GRM8: variants seen among roughly 807,000 people sequenced by gnomAD.
GRM8 encodes the protein glutamate metabotropic receptor 8.
Under a neutral mutation model 87.2 loss-of-function variants are expected in GRM8, and 47 were observed. That is an observed-to-expected ratio of 0.54 (90% CI 0.43 to 0.69). The LOEUF (loss-of-function observed/expected upper bound fraction) is 0.69, where lower values mean the gene tolerates loss of function less well. Ranked by LOEUF, GRM8 falls within the 30% of genes least tolerant of loss-of-function variation. GRM8 has a pLI of 0.00. For synonymous variants in GRM8, 396 were observed against 404.5 expected (o/e 0.98, Z 0.25); for missense variants, 1,019 against 1,139.2 (o/e 0.89, Z 1.52).
intron 6 of GRM8, among the ~76,000 whole-genome samples, chr7:126,800,395 C>G (rs1822529618): frequency 6.6e-6 from 1 of 152,094 alleles, no homozygotes; most frequent in African/African-American, 2.4e-5. Context: ...AGTAGACTTT[C>G]CCCCCATTTT....
intron 7 of GRM8, among the ~76,000 whole-genome samples, chr7:126,625,870 A>G (rs1287263919): frequency 6.6e-6 from 1 of 152,204 alleles, no homozygotes; most frequent in African/African-American, 2.4e-5. Flanking sequence ...ATATCTTAAA[A>G]TGAATGTGAG....
intron 3 of GRM8, among the ~76,000 whole-genome samples, chr7:127,048,389 G>A (rs1819147706): frequency 6.6e-6 from 1 of 152,146 alleles, no homozygotes; most frequent in African/African-American, 2.4e-5. Flanking sequence ...CAGAGGCCCT[G>A]GTGGGCTTTA....
At chr7:126,881,484 C>A (rs1800016872) in intron 6 of GRM8, among the ~76,000 whole-genome samples, 1 of 152,140 alleles carries the variant, frequency 6.6e-6, no homozygotes, top group African/African-American at 2.4e-5. Context: ...ATAGGCCCCA[C>A]CCAAGATAAA....
intron 7 of GRM8, among the ~76,000 whole-genome samples, chr7:126,705,453 T>C (rs1303452244): frequency 6.6e-6 from 1 of 152,128 alleles, no homozygotes; most frequent in African/African-American, 2.4e-5. Context: ...AAACATTTTA[T>C]CTCCACTTAA....
chr7:126,643,293 A>C (rs1802618288), intron 7 of GRM8, among the ~76,000 whole-genome samples: 1 of 23,498 alleles, frequency 4.3e-5, no homozygotes, highest in Non-Finnish European at 8.0e-5. Flanking sequence ...CTTGTCTCAA[A>C]AAAAAAAAAA....
Position 126,929,682 on chromosome 7 carries a change from C to G in GRM8, c.728-24999G>C, listed in dbSNP as rs183133454. Among the ~76,000 whole-genome samples the G allele has an allele frequency of 4.7e-3, 684 of 145,550 alleles. 7 individuals are homozygous for G. Among genetic ancestry groups the G allele is most frequent in the African/African-American group, 0.017 (652 of 39,398 alleles). ...CTCCTGCCCTCAGGTGATCCACCCCCCTCAGCCTCCCAAAGTGCTGGGATT... is the reference window on the plus strand; with the variant it reads ...CTCCTGCCCTCAGGTGATCCACCCCGCTCAGCCTCCCAAAGTGCTGGGATT... On this transcript the variant is annotated intron_variant, in intron 3 of 10. Coordinates refer to ENST00000339582, the MANE Select transcript of GRM8 (RefSeq NM_000845.3).
intron 3 of GRM8, among the ~76,000 whole-genome samples, chr7:126,913,284 A>G (rs1213645477): frequency 6.6e-6 from 1 of 152,230 alleles, no homozygotes; most frequent in Non-Finnish European, 1.5e-5. Context: ...ATTAAATTCT[A>G]CATAAATCAA....
intron 9 of GRM8, among the ~76,000 whole-genome samples, chr7:126,470,248 G>A (rs536546036): frequency 3.0e-4 from 46 of 151,780 alleles, no homozygotes; most frequent in Non-Finnish European, 4.7e-4. Flanking sequence ...GTGCAGGTTA[G>A]TTACATACGT....
chr7:127,058,149 C>T (rs1218292164), intron 3 of GRM8: 2 of 522,404 alleles, frequency 3.8e-6, no homozygotes, highest in South Asian at 1.5e-5. Flanking sequence ...CATCACAACA[C>T]ATCATCGCAT....
At chr7:126,635,340 T>C (rs1274146034) in intron 7 of GRM8, among the ~76,000 whole-genome samples, 3 of 152,180 alleles carry the variant, frequency 2.0e-5, no homozygotes, top group African/African-American at 4.8e-5. Flanking sequence ...TGGTGACTAA[T>C]ATCAACTTTC....
intron 2 of GRM8, chr7:127,215,345 A>T (rs1248181135): frequency 1.3e-5 from 2 of 152,226 alleles, no homozygotes. Context: ...TTCTCATAGC[A>T]GTTTTTCTTT....
intron 7 of GRM8, among the ~76,000 whole-genome samples, chr7:126,619,177 C>T (rs141200921): frequency 0.021 from 3,138 of 152,256 alleles, 123 homozygotes; most frequent in African/African-American, 0.072. Flanking sequence ...ATATACACCA[C>T]GGAGTACTAT....
chr7:126,862,402 C>T (rs1798211858), intron 6 of GRM8, among the ~76,000 whole-genome samples: 1 of 151,804 alleles, frequency 6.6e-6, no homozygotes, highest in Non-Finnish European at 1.5e-5. Context: ...TTCTGTATTA[C>T]AAAAATATTC....
At chr7:126,498,306 TG>T (rs1371203635) in intron 9 of GRM8, among the ~76,000 whole-genome samples, 7 of 151,954 alleles carry the variant, frequency 4.6e-5, no homozygotes, top group Admixed American at 1.3e-4. Context: ...TGACTGCTCA[TG>T]CATGATAAAC....
chr7:127,044,474 A>C (rs1403720799), intron 3 of GRM8, among the ~76,000 whole-genome samples: 2 of 152,182 alleles, frequency 1.3e-5, no homozygotes, highest in Non-Finnish European at 2.9e-5. Context: ...AGATATTAAA[A>C]TTAATTAAAA....
intron 2 of GRM8, among the ~76,000 whole-genome samples, chr7:127,155,112 A>T (rs1430560056): frequency 6.6e-6 from 1 of 152,160 alleles, no homozygotes; most frequent in African/African-American, 2.4e-5. Flanking sequence ...GTACGTTCCA[A>T]GGAGGACTTA....
chr7:126,852,366 G>A (rs753939928), intron 6 of GRM8, among the ~76,000 whole-genome samples: 7 of 152,142 alleles, frequency 4.6e-5, no homozygotes, highest in Non-Finnish European at 8.8e-5. Context: ...GGGAGTTGGA[G>A]GAATGTATCA....
chr7:127,194,822 A>G (rs1368986648), intron 2 of GRM8, among the ~76,000 whole-genome samples: 5 of 152,194 alleles, frequency 3.3e-5, no homozygotes, highest in Non-Finnish European at 7.3e-5. Flanking sequence ...AAGAGACTTT[A>G]TATCAAAAGG....
intron 6 of GRM8, among the ~76,000 whole-genome samples, chr7:126,825,628 A>G (rs954661440): frequency 2.0e-5 from 3 of 152,202 alleles, no homozygotes; most frequent in South Asian, 2.1e-4. Flanking sequence ...GGGTAAAATA[A>G]GATAACCTAC....
Sources: allele counts gnomAD v4.1 joint callset (sites outside exome capture counted in the v4.1 genomes callset), GRCh38; gene constraint gnomAD v4.1.1; transcripts MANE v1.5; gene names NCBI Gene and HGNC (gene_info 2026-07-23, HGNC 2026-07-21).